Variants in TENM3 observed in about 807,000 individuals in gnomAD.
TENM3 encodes teneurin-3.
Under a neutral mutation model 255.1 loss-of-function variants are expected in TENM3, and 63 were observed. The observed-to-expected ratio is 0.25, with a 90% confidence interval of 0.20 to 0.30. The LOEUF is 0.30. TENM3 is among the 10% of genes least tolerant of loss of function. The pLI is 1.00. For missense variants in TENM3, 2,929 were observed against 3,461.1 expected, an observed-to-expected ratio of 0.85 and a Z score of 3.86; for synonymous variants, 1,306 against 1,322.3, an observed-to-expected ratio of 0.99 and a Z score of 0.27.
the TENM3 span, among the ~76,000 whole-genome samples, chr4:181,522,479 G>A: frequency 9.1e-3 from 1,381 of 152,258 alleles, 22 homozygotes; most frequent in African/African-American, 0.031. Flanking sequence ...TAGAAATGGT[G>A]ATTATTAGAA....
chr4:182,131,658 T>G, the TENM3 span, among the ~76,000 whole-genome samples: 14 of 152,132 alleles, frequency 9.2e-5, no homozygotes, highest in Non-Finnish European at 1.5e-4. Context: ...AAGGAAACCA[T>G]TCAAAAGTCA....
the TENM3 span, among the ~76,000 whole-genome samples, chr4:181,878,533 T>C: frequency 6.6e-6 from 1 of 152,172 alleles, no homozygotes; most frequent in African/African-American, 2.4e-5. Context: ...TGGTAGTTGA[T>C]TCTTTATTTC....
At chr4:182,611,833 A>T (rs2152432665) in intron 4 of TENM3, among the ~76,000 whole-genome samples, 1 of 152,328 alleles carries the variant, frequency 6.6e-6, no homozygotes, top group African/African-American at 2.4e-5. Context: ...TCTTGATAAG[A>T]TACCTTTGAC....
the TENM3 span, among the ~76,000 whole-genome samples, chr4:181,675,616 C>A: frequency 3.3e-5 from 5 of 152,130 alleles, no homozygotes; most frequent in African/African-American, 1.2e-4. Flanking sequence ...AGAGACATGG[C>A]AGAGACACTC....
chr4:181,822,074 T>C, the TENM3 span, among the ~76,000 whole-genome samples: 8 of 152,250 alleles, frequency 5.3e-5, 1 homozygote, highest in African/African-American at 1.9e-4. Flanking sequence ...AGAGGAGGTG[T>C]ATTATTTTTG....
chr4:181,983,919 C>T, the TENM3 span, among the ~76,000 whole-genome samples: 1 of 152,024 alleles, frequency 6.6e-6, no homozygotes, highest in African/African-American at 2.4e-5. Flanking sequence ...CGGATGCCTC[C>T]TTGATCTCTA....
chr4:181,453,896 C>G, the TENM3 span, among the ~76,000 whole-genome samples: 1 of 152,040 alleles, frequency 6.6e-6, no homozygotes, highest in Non-Finnish European at 1.5e-5. Context: ...TCAGAAGGTC[C>G]TGGGTTTAAA....
intron 12 of TENM3, among the ~76,000 whole-genome samples, chr4:182,690,283 C>T (rs979012471): frequency 2.0e-5 from 3 of 152,164 alleles, no homozygotes; most frequent in African/African-American, 7.2e-5. Flanking sequence ...TGTGGCTTTC[C>T]CCTCCCAAAG....
At chr4:182,159,337 G>T (rs1244413596) in intron 1 of TENM3, among the ~76,000 whole-genome samples, 1 of 152,198 alleles carries the variant, frequency 6.6e-6, no homozygotes, top group African/African-American at 2.4e-5. Context: ...CCATGAAATT[G>T]AGATGTTAAA....
the TENM3 span, among the ~76,000 whole-genome samples, chr4:181,656,118 T>C: frequency 1.3e-5 from 2 of 152,070 alleles, no homozygotes; most frequent in Non-Finnish European, 2.9e-5. Flanking sequence ...GGCCCAGTCA[T>C]TGTAACGGCG....
At chr4:181,525,396 C>CAAA in the TENM3 span, among the ~76,000 whole-genome samples, 327 of 97,284 alleles carry the variant, frequency 3.4e-3, 4 homozygotes, top group Middle Eastern at 5.6e-3. Context: ...GACCCTGTTT[C>CAAA]AAAAAAAAAA....
intron 1 of TENM3, among the ~76,000 whole-genome samples, chr4:182,227,867 C>T (rs139271815): frequency 0.022 from 3,300 of 152,090 alleles, 54 homozygotes; most frequent in Middle Eastern, 0.085. Context: ...AGGTGAATAT[C>T]TCAGTATTTC....
the TENM3 span, among the ~76,000 whole-genome samples, chr4:181,668,902 T>C: frequency 6.6e-6 from 1 of 152,122 alleles, no homozygotes; most frequent in Non-Finnish European, 1.5e-5. Context: ...AACTTACACC[T>C]CACTAGCTGG....
In TENM3 at chr4:182,721,047, C is replaced by T. The variant is rs547417684; in HGVS notation, c.2368+6814C>T. 7.9e-4 allele frequency among the ~76,000 whole-genome samples: 120 copies of T among 152,200 alleles called. No individual in the cohort carries two copies. In the Middle Eastern group the frequency reaches 0.01, roughly 13 times the overall value. ...CCTGCCAAAGAGCTGGGATTACAGG[C>T]GTGAGCCACCACGCCCGGCCTAAAA... On this transcript the variant is annotated intron_variant, in intron 13 of 27. Transcript: ENST00000511685.
intron 22 of TENM3, among the ~76,000 whole-genome samples, chr4:182,766,275 G>A (rs936700702): frequency 2.6e-5 from 4 of 151,872 alleles, no homozygotes; most frequent in Non-Finnish European, 4.4e-5. Context: ...AATTTTCCTC[G>A]CCATCAGCTG....
chr4:182,355,349 C>T (rs889698671), intron 3 of TENM3, among the ~76,000 whole-genome samples: 1 of 152,110 alleles, frequency 6.6e-6, no homozygotes, highest in African/African-American at 2.4e-5. Flanking sequence ...GGGATTTGCA[C>T]GTTTTCCTGC....
chr4:182,433,614 C>T (rs1014442441), intron 3 of TENM3, among the ~76,000 whole-genome samples: 9 of 152,136 alleles, frequency 5.9e-5, no homozygotes, highest in African/African-American at 1.2e-4. Context: ...AGATAAAACT[C>T]GAGTGGTCTC....
chr4:182,215,489 T>C (rs1755396520), intron 1 of TENM3, among the ~76,000 whole-genome samples: 1 of 152,052 alleles, frequency 6.6e-6, no homozygotes, highest in African/African-American at 2.4e-5. Flanking sequence ...ACTACATAAT[T>C]AAAAAAACAA....
chr4:181,635,839 C>CCTCACAT, the TENM3 span, among the ~76,000 whole-genome samples: 6 of 152,156 alleles, frequency 3.9e-5, no homozygotes, highest in Non-Finnish European at 8.8e-5. Flanking sequence ...GACGGGGCTT[C>CCTCACAT]CTCACATAGA....
Sources: gnomAD v4.1 joint callset for allele counts (sites outside exome capture counted in the v4.1 genomes callset) on GRCh38, gnomAD v4.1.1 for gene constraint, MANE v1.5 for transcripts, NCBI Gene and HGNC (gene_info 2026-07-23, HGNC 2026-07-21) for gene names.